The following ESYT2 variants were observed in gnomAD, a reference collection of about 807,000 sequenced individuals.
The protein encoded by ESYT2 is extended synaptotagmin-2.
A neutral mutation model predicts 107.2 loss-of-function variants in ESYT2; 54 were observed. The ratio of observed to expected loss-of-function variants is 0.50; its 90% confidence interval spans 0.40 to 0.63. The LOEUF is 0.63. Among genes scored for constraint, ESYT2 ranks in the 30% least tolerant of loss-of-function variants. The pLI is 0.00. For missense variants in ESYT2, 1,020 were observed against 1,094.5 expected, an observed-to-expected ratio of 0.93 and a Z score of 0.96; for synonymous variants, 491 against 434.1, an observed-to-expected ratio of 1.13 and a Z score of -1.63.
chr7:158,779,182 A>G (rs842444), intron 6 of ESYT2, among the ~76,000 whole-genome samples: 119,069 of 152,130 alleles, frequency 0.78, 48,102 homozygotes, highest in Non-Finnish European at 0.89. Context: ...GATCAAAGGC[A>G]TCAAACATAG....
chr7:158,779,890 G>A (rs1404176749), intron 6 of ESYT2, among the ~76,000 whole-genome samples: 2 of 152,182 alleles, frequency 1.3e-5, no homozygotes, highest in Non-Finnish European at 2.9e-5. Flanking sequence ...GGGGTGGAGA[G>A]GGGCAGTCCT....
rs111788689 is a variant in ESYT2, at chr7:158,769,921, T to A, written c.804-2147A>T. Among the ~76,000 whole-genome samples the A allele has an allele frequency of 4.9e-3, 743 of 152,206 alleles. 3 individuals carry two copies. The highest frequency in any genetic ancestry group is 0.017 in the African/African-American group (711 of 41,542). ...TTCATGGTTATTTATTTATTTATTT[T>A]TTTAATTAATTTATTTTTTTTGAGA... On this transcript the variant is annotated intron_variant, in intron 7 of 22. Coordinates refer to ENST00000275418, the MANE Select transcript of ESYT2 (RefSeq NM_001367773.1).
chr7:158,825,752 T>C lies in ESYT2; in HGVS notation c.330+3337A>G, dbSNP rs531100999. Among the ~76,000 whole-genome samples, 163 of 152,354 alleles carry C rather than the reference T, an allele frequency of 1.1e-3. 2 individuals carry two copies. The highest frequency in any genetic ancestry group is 3.7e-3 in the African/African-American group (154 of 41,584). The stretch of plus-strand genomic sequence containing the variant: ...GTTTTCCTATGTTTCCACTCTGCCA[T>C]GAATTCACGGTTGTCAACGACACAC... On this transcript the variant is annotated intron_variant, in intron 1 of 22. Transcript: ENST00000275418.
intron 6 of ESYT2, among the ~76,000 whole-genome samples, chr7:158,782,803 C>T (rs932221709): frequency 4.6e-5 from 7 of 151,854 alleles, no homozygotes; most frequent in Admixed American, 2.0e-4. Context: ...AGAATGAAAC[C>T]GTGTGAGAAC....
chr7:158,799,669 C>G (rs1839572998), intron 1 of ESYT2, among the ~76,000 whole-genome samples: 1 of 152,318 alleles, frequency 6.6e-6, no homozygotes, highest in South Asian at 2.1e-4. Context: ...ATAAAATTCA[C>G]TCTTCCCTTT....
Position 158,753,269 on chromosome 7 carries a change from G to A in ESYT2, c.1420-426C>T, listed in dbSNP as rs541866520. Among the ~76,000 whole-genome samples, 4 of 152,252 alleles carry A rather than the reference G, an allele frequency of 2.6e-5. No individual in the cohort carries two copies. In the East Asian group the frequency reaches 7.8e-4, roughly 30 times the overall value. On this transcript the variant is annotated intron_variant, in intron 13 of 22. Coordinates refer to ENST00000275418, the MANE Select transcript of ESYT2 (RefSeq NM_001367773.1). ...GCCGCCCAAGTCCCTCTCAGGCCAG[G>A]TCAGGTCCTGGAACCGCCGCTGAGA...
chr7:158,770,703 G>A (rs2129472470), intron 7 of ESYT2, among the ~76,000 whole-genome samples: 1 of 152,078 alleles, frequency 6.6e-6, no homozygotes, highest in South Asian at 2.1e-4. Flanking sequence ...TTTCAGTAGA[G>A]ACAGGGTTTC....
At chr7:158,796,211 T>C (rs572006735) in intron 3 of ESYT2, among the ~76,000 whole-genome samples, 1 of 152,354 alleles carries the variant, frequency 6.6e-6, no homozygotes, top group South Asian at 2.1e-4. Flanking sequence ...TCTGAGTCTT[T>C]AGGCATATAA....
intron 1 of ESYT2, among the ~76,000 whole-genome samples, chr7:158,809,540 C>T (rs1451521398): frequency 2.0e-5 from 3 of 147,124 alleles, no homozygotes; most frequent in Non-Finnish European, 4.5e-5. Context: ...ATAAACGCTT[C>T]TCCAAAGAGG....
chr7:158,820,239 C>T (rs1164448499), intron 1 of ESYT2, among the ~76,000 whole-genome samples: 4 of 152,066 alleles, frequency 2.6e-5, no homozygotes, highest in Non-Finnish European at 5.9e-5. Flanking sequence ...GAGATATTAA[C>T]AAATGGATAA....
At chr7:158,752,647 T>G in intron 14 of ESYT2, 134 bp downstream of exon 14, 1 of 433,516 alleles carries the variant, frequency 2.3e-6, no homozygotes, top group Admixed American at 3.9e-5. Context: ...ATAACAAAAG[T>G]AGGGTCTCTT....
At position 158,760,084 on chromosome 7, in the gene ESYT2, T is replaced by A. The variant is rs1456367393; in HGVS notation, c.1297A>T (p.Met433Leu). ...TTGTCGAGGTTTGACGCATTTGGCA[T>A]TAACGTGAGCCACTCCAGTCTCAAG... ...LHLRLEWLTL[M>L]PNASNLDKVL... The change falls in exon 12 of 23, where the codon ATG (methionine) becomes TTG (leucine). Residue 433 changes from methionine (M) to leucine (L), a missense_variant. Physicochemically the swap from Met to Leu is conservative, Grantham distance 15. Transcript: ENST00000275418. 1 of 1,614,212 alleles carries A rather than the reference T, an allele frequency of 6.2e-7. No homozygotes were observed. The highest frequency in any genetic ancestry group is 1.1e-5 in the South Asian group (1 of 91,084).
chr7:158,756,051 C>T (rs1281333633), intron 13 of ESYT2, among the ~76,000 whole-genome samples: 1 of 152,114 alleles, frequency 6.6e-6, no homozygotes, highest in Non-Finnish European at 1.5e-5. Context: ...AACAAAATAC[C>T]TGCTCTTCAA....
rs1017528915 is a variant in ESYT2, at chr7:158,748,900, G to C, written c.1558-620C>G. Among the ~76,000 whole-genome samples the C allele has an allele frequency of 2.0e-5, 3 of 150,570 alleles. No individual in the cohort carries two copies. The East Asian group carries it at 5.9e-4, about 30-fold the overall frequency. On this transcript the variant is annotated intron_variant, in intron 15 of 22. Coordinates refer to ENST00000275418, the MANE Select transcript of ESYT2 (RefSeq NM_001367773.1). The stretch of plus-strand genomic sequence containing the variant: ...ATGCCCAGCTAATTTTTTTTCTCCT[G>C]TAAGGAAAGTAGAACATATTACAGC...
intron 7 of ESYT2, among the ~76,000 whole-genome samples, chr7:158,771,694 A>C (rs73729989): frequency 0.11 from 17,083 of 152,244 alleles, 1,418 homozygotes; most frequent in East Asian, 0.43. Flanking sequence ...GTCCCTCAGA[A>C]GACACGCCAG....
intron 6 of ESYT2, among the ~76,000 whole-genome samples, chr7:158,787,148 G>C (rs1839141691): frequency 6.6e-6 from 1 of 152,152 alleles, no homozygotes; most frequent in African/African-American, 2.4e-5. Flanking sequence ...AAGGAGGAAG[G>C]AGTTTGTCTG....
At chr7:158,740,976 A>G (rs1308575174) in intron 18 of ESYT2, among the ~76,000 whole-genome samples, 1 of 152,214 alleles carries the variant, frequency 6.6e-6, no homozygotes, top group Non-Finnish European at 1.5e-5. Flanking sequence ...GAAGCTTGTG[A>G]TAACTACAGA....
At chr7:158,759,429 A>G in intron 13 of ESYT2, 57 bp downstream of exon 13, 1 of 1,387,696 alleles carries the variant, frequency 7.2e-7, no homozygotes, top group Non-Finnish European at 1.0e-6. Context: ...AGTGGTTATA[A>G]GCAAGAGCAG....
At chr7:158,812,507 G>A (rs1840017805) in intron 1 of ESYT2, among the ~76,000 whole-genome samples, 1 of 152,144 alleles carries the variant, frequency 6.6e-6, no homozygotes, top group South Asian at 2.1e-4. Flanking sequence ...ATATTGCTGG[G>A]GAGAATGTAA....
Sources: allele counts gnomAD v4.1 joint callset (sites outside exome capture counted in the v4.1 genomes callset), GRCh38; gene constraint gnomAD v4.1.1; transcripts MANE v1.5; gene names NCBI Gene and HGNC (gene_info 2026-07-23, HGNC 2026-07-21).